ITPR3: variants seen among roughly 807,000 people sequenced by gnomAD.
The protein encoded by ITPR3 is inositol 1,4,5-trisphosphate-gated calcium channel ITPR3.
In ITPR3, 173 loss-of-function variants were observed where a neutral mutation model predicts 293.2. The ratio of observed to expected loss-of-function variants is 0.59; its 90% confidence interval spans 0.52 to 0.67. The LOEUF is 0.67. Ranked by LOEUF, ITPR3 falls within the 30% of genes least tolerant of loss-of-function variation. The pLI is 0.00. For synonymous variants in ITPR3, 1,295 were observed against 1,444.4 expected (o/e 0.90, Z 2.35); for missense variants, 2,796 against 3,592.1 (o/e 0.78, Z 5.66).
intron 1 of ITPR3, among the ~76,000 whole-genome samples, chr6:33,629,465 T>G (rs1321778860): frequency 6.6e-6 from 1 of 151,600 alleles, no homozygotes; most frequent in Non-Finnish European, 1.5e-5. Flanking sequence ...TGTCTGTGTT[T>G]GACCGACCAT....
chr6:33,674,388 C>G (rs770362434), intron 24 of ITPR3, 123 bp downstream of exon 24: 1 of 881,006 alleles, frequency 1.1e-6, no homozygotes, highest in Non-Finnish European at 1.8e-6. Context: ...TCTGCAGACC[C>G]TCACCGGGCT....
intron 1 of ITPR3, among the ~76,000 whole-genome samples, chr6:33,639,215 C>T (rs1010145041): frequency 6.6e-6 from 1 of 152,010 alleles, no homozygotes; most frequent in Non-Finnish European, 1.5e-5. Context: ...CCAGTCTTTA[C>T]TAAAAATACA....
rs563776346 is a variant in ITPR3, at chr6:33,661,369, G to A, written c.712-1159G>A. On this transcript the variant is annotated intron_variant, in intron 7 of 57. Transcript: ENST00000605930. ...AAGGTGATGGAATGATTAAGGTGCA[G>A]GCCCTGGAACTGGGCCAAAGATTCA... Among the ~76,000 whole-genome samples the A allele has an allele frequency of 1.5e-4, 23 of 152,298 alleles. 1 individual carries two copies. The highest frequency in any genetic ancestry group is 5.3e-4 in the African/African-American group (22 of 41,568).
rs1764564148 is a variant in ITPR3, at chr6:33,664,745, C to T, written c.1149-125C>T. 2 of 773,852 alleles carry T rather than the reference C, an allele frequency of 2.6e-6. No individual in the cohort carries two copies. The highest frequency in any genetic ancestry group is 4.3e-6 in the Non-Finnish European group (2 of 461,480). 47.9% of individuals were successfully genotyped at this position (773,852 alleles called of 1,614,324 possible). A position where few individuals can be genotyped will look rare whatever the true frequency, so the allele number is the denominator to read the frequency against. On this transcript the variant is annotated intron_variant, in intron 11 of 57. Transcript: ENST00000605930. The surrounding 1 kb of genome is among the most constrained non-coding windows in gnomAD (Gnocchi z 4.4). ...CTGGAGGGGCACCAGTGGCTCCTGT[C>T]CCACAGCTGTTGAGGGTGTGGAGTA...
chr6:33,651,909 G>T (rs1232203055), intron 2 of ITPR3, among the ~76,000 whole-genome samples: 1 of 152,202 alleles, frequency 6.6e-6, no homozygotes. Flanking sequence ...TCTTAGGTGA[G>T]TCAAGGTCGG....
intron 2 of ITPR3, among the ~76,000 whole-genome samples, chr6:33,644,669 T>TGC (rs1561855280): frequency 3.3e-4 from 50 of 150,418 alleles, no homozygotes; most frequent in African/African-American, 1.2e-3. Flanking sequence ...TAGGTTTTTT[T>TGC]TTTTTTTTTT....
Position 33,687,452 on chromosome 6 carries a change from G to A in ITPR3, c.6178-26G>A. ...CCATGTCCCCCAGCCACCACACCCT[G>A]GTGACTGTGCTGCCATTTCCCTCAG... On this transcript the variant is annotated intron_variant, in intron 45 of 57. Coordinates refer to ENST00000605930, the MANE Select transcript of ITPR3 (RefSeq NM_002224.4). This position sits in a 1 kb window ranked among gnomAD's most constrained non-coding sequence, Gnocchi z 5.3. 2.5e-6 allele frequency: 4 copies of A among 1,596,796 alleles called. No individual in the cohort carries two copies. The highest frequency in any genetic ancestry group is 3.4e-6 in the Non-Finnish European group (4 of 1,170,634).
intron 2 of ITPR3, among the ~76,000 whole-genome samples, chr6:33,641,399 G>T (rs537100732): frequency 6.6e-6 from 1 of 152,286 alleles, no homozygotes; most frequent in East Asian, 1.9e-4. Flanking sequence ...TTGTCCTCGC[G>T]GGGGATGCTG....
At position 33,691,935 on chromosome 6, in the gene ITPR3, A is replaced by C; in HGVS notation, c.7458+7A>C. 4 of 1,613,064 alleles carry C rather than the reference A, an allele frequency of 2.5e-6. No homozygotes were observed. The highest frequency in any genetic ancestry group is 3.4e-6 in the Non-Finnish European group (4 of 1,179,866). On this transcript the variant is annotated splice_region_variant and intron_variant, in intron 54 of 57. Transcript: ENST00000605930. This position sits in a 1 kb window ranked among gnomAD's most constrained non-coding sequence, Gnocchi z 4.9. The stretch of plus-strand genomic sequence containing the variant: ...CCGCAAGCCCTCCAAAGATGTGAGC[A>C]CTCCTGCCCACTCCCAAACCTGTGG...
At chr6:33,660,530 T>C (rs72882047) in intron 7 of ITPR3, among the ~76,000 whole-genome samples, 4,623 of 150,320 alleles carry the variant, frequency 0.031, 114 homozygotes, top group Middle Eastern at 0.075. Context: ...CTCCCTCCCT[T>C]AAATCTGCAC....
chr6:33,681,193 A>C (rs577164664), intron 33 of ITPR3, among the ~76,000 whole-genome samples: 24 of 152,242 alleles, frequency 1.6e-4, no homozygotes, highest in Non-Finnish European at 3.1e-4. Context: ...AGCATTCGCT[A>C]TCTCAGTTTC....
rs1169974728 is a variant in ITPR3, at chr6:33,654,122, G to A, written c.161-1644G>A. On this transcript the variant is annotated intron_variant, in intron 2 of 57. Coordinates refer to ENST00000605930, the MANE Select transcript of ITPR3 (RefSeq NM_002224.4). This position sits in a 1 kb window ranked among gnomAD's most constrained non-coding sequence, Gnocchi z 4.1. Reference sequence around the variant, plus strand: ...GTCTCTACTAAAAATACAAAAATTAGCCAGGCATGGTGGTGCATGCCTGTA... The same window carrying A: ...GTCTCTACTAAAAATACAAAAATTAACCAGGCATGGTGGTGCATGCCTGTA... Among the ~76,000 whole-genome samples the A allele has an allele frequency of 6.6e-6, 1 of 152,074 alleles. No homozygotes were observed. Among genetic ancestry groups the A allele is most frequent in the Non-Finnish European group, 1.5e-5 (1 of 68,008 alleles).
Position 33,689,348 on chromosome 6 carries a change from A to G in ITPR3, c.6805A>G (p.Ile2269Val). ...YSIRPLIVAL[I>V]LRSIYYLGIG... ...CATCCGCCCCCTCATCGTGGCGCTC[A>G]TCCTGCGCTCCATCTACTATCTGGG... is the stretch of plus-strand genomic sequence containing the variant. The change falls in exon 50 of 58, where the codon ATC becomes GTC. Residue 2269 changes from isoleucine (I) to valine (V), a missense_variant. Ile to Val is a conservative substitution (Grantham distance 29). Transcript: ENST00000605930. 6.2e-7 allele frequency: 1 copy of G among 1,612,586 alleles called. No individual in the cohort carries two copies. Among genetic ancestry groups the G allele is most frequent in the East Asian group, 2.2e-5 (1 of 44,878 alleles).
chr6:33,688,459 G>GGGGGGGGGGGGGGCCCCC, intron 48 of ITPR3, 28 bp downstream of exon 48: 1 of 440,070 alleles, frequency 2.3e-6, no homozygotes, highest in South Asian at 1.8e-5. Flanking sequence ...GGAGGGTGGG[G>GGGGGGGGGGGGGGCCCCC]CGGTCTGGAG....
chr6:33,627,848 T>C (rs1763584810), intron 1 of ITPR3, among the ~76,000 whole-genome samples: 1 of 152,126 alleles, frequency 6.6e-6, no homozygotes, highest in Non-Finnish European at 1.5e-5. Flanking sequence ...AGTGCGAGGA[T>C]GTGATGGAGA....
In ITPR3 at chr6:33,689,415, G is replaced by A. The variant is rs777512105; in HGVS notation, c.6867+5G>A. On this transcript the variant is annotated splice_donor_5th_base_variant and intron_variant, in intron 50 of 57. Transcript: ENST00000605930. ...AACATCCTGGGTGCCCTCAATGTGA[G>A]TGCCAGAGGGAGCCCCCATTCCCAA... is the stretch of plus-strand genomic sequence containing the variant. 4 of 1,607,144 alleles carry A rather than the reference G, an allele frequency of 2.5e-6. No homozygotes were observed. The highest frequency in any genetic ancestry group is 2.5e-6 in the Non-Finnish European group (3 of 1,179,524).
Position 33,655,328 on chromosome 6 carries a change from G to A in ITPR3, c.161-438G>A, listed in dbSNP as rs1764279600. Among the ~76,000 whole-genome samples the A allele has an allele frequency of 6.6e-6, 1 of 152,200 alleles. No homozygotes were observed. Among genetic ancestry groups the A allele is most frequent in the Non-Finnish European group, 1.5e-5 (1 of 68,034 alleles). On this transcript the variant is annotated intron_variant, in intron 2 of 57. Transcript: ENST00000605930. This position sits in a 1 kb window ranked among gnomAD's most constrained non-coding sequence, Gnocchi z 4.9. ...CTGTGTCAGTCACTGGATAGGGGCT[G>A]CCCCTGGGAAGAGGGGTATGTCATT...
At chr6:33,693,743 C>T (rs781568899) in intron 56 of ITPR3, 38 bp downstream of exon 56, 26 of 1,608,768 alleles carry the variant, frequency 1.6e-5, no homozygotes, top group Non-Finnish European at 1.8e-5. Context: ...TGGGCCCAAA[C>T]CAGCCATTCT....
chr6:33,641,197 C>A (rs1448752429), intron 2 of ITPR3, among the ~76,000 whole-genome samples: 1 of 152,230 alleles, frequency 6.6e-6, no homozygotes, highest in Non-Finnish European at 1.5e-5. Flanking sequence ...TAAACAATAT[C>A]CTGGCTGTCA....
Sources: allele counts gnomAD v4.1 joint callset (sites outside exome capture counted in the v4.1 genomes callset), GRCh38; gene constraint gnomAD v4.1.1; non-coding constraint Gnocchi (gnomAD v3.1); transcripts MANE v1.5; gene names NCBI Gene and HGNC (gene_info 2026-07-23, HGNC 2026-07-21).